HCK: variants seen among roughly 807,000 people sequenced by gnomAD.
HCK encodes HCK proto-oncogene, Src family tyrosine kinase.
HCK carries 40 observed loss-of-function variants against 70.4 expected under a neutral mutation model. The observed-to-expected ratio is 0.57, with a 90% CI of 0.44 to 0.74. The LOEUF (loss-of-function observed/expected upper bound fraction) is 0.74, where lower values mean the gene tolerates loss of function less well. Among genes scored for constraint, HCK ranks in the 30% least tolerant of loss-of-function variants. The pLI is 0.00. For missense variants in HCK, 568 were observed against 697.2 expected, an observed-to-expected ratio of 0.81 and a Z score of 2.09; for synonymous variants, 245 against 263.2, an observed-to-expected ratio of 0.93 and a Z score of 0.67.
intron 1 of HCK, among the ~76,000 whole-genome samples, chr20:32,068,252 G>T (rs2045488276): frequency 1.3e-5 from 2 of 151,110 alleles, no homozygotes; most frequent in Admixed American, 1.3e-4. Flanking sequence ...GAGTGGAGAT[G>T]GCACCACCGT....
intron 1 of HCK, among the ~76,000 whole-genome samples, chr20:32,064,681 C>G (rs2045430670): frequency 6.6e-6 from 1 of 152,216 alleles, no homozygotes; most frequent in Non-Finnish European, 1.5e-5. Flanking sequence ...AAAACCATCT[C>G]CAGCCCACTG....
intron 2 of HCK, among the ~76,000 whole-genome samples, chr20:32,072,776 T>A (rs535637888): frequency 3.9e-4 from 58 of 149,370 alleles, no homozygotes; most frequent in African/African-American, 1.4e-3. Context: ...AGGGGAGGGG[T>A]CAAGCAGCAT....
At chr20:32,071,923 C>T in intron 2 of HCK, 141 bp downstream of exon 2, 2 of 1,024,740 alleles carry the variant, frequency 2.0e-6, no homozygotes, top group Non-Finnish European at 2.8e-6. Context: ...AGTGTCCTGA[C>T]TCGACTCTCC....
intron 1 of HCK, chr20:32,069,894 G>A (rs1272627893): frequency 5.8e-6 from 3 of 520,600 alleles, no homozygotes; most frequent in Non-Finnish European, 8.9e-6. Context: ...AACTGCTTTA[G>A]AAGAAAATGG....
At chr20:32,087,215 C>G (rs781359812) in intron 9 of HCK, among the ~76,000 whole-genome samples, 1 of 151,944 alleles carries the variant, frequency 6.6e-6, no homozygotes. Flanking sequence ...AGCAGTTCTG[C>G]CCCCACCCCC....
chr20:32,053,641 A>C (rs1210324308), intron 1 of HCK, among the ~76,000 whole-genome samples: 1 of 150,446 alleles, frequency 6.6e-6, no homozygotes, highest in Non-Finnish European at 1.5e-5. Flanking sequence ...CTGTCTCAAA[A>C]AAAAAAAAAA....
chr20:32,065,159 A>T (rs2045437655), intron 1 of HCK, among the ~76,000 whole-genome samples: 1 of 152,242 alleles, frequency 6.6e-6, no homozygotes, highest in African/African-American at 2.4e-5. Context: ...CAGAACTGCT[A>T]TCCAAACTCA....
At chr20:32,082,574 A>AGAGATTGCAGTGAGCC (rs2045722922) in intron 6 of HCK, among the ~76,000 whole-genome samples, 2 of 152,092 alleles carry the variant, frequency 1.3e-5, no homozygotes, top group Non-Finnish European at 2.9e-5. Flanking sequence ...CCTGGGAGGC[A>AGAGATTGCAGTGAGCC]GAGATTGCAG....
intron 10 of HCK, among the ~76,000 whole-genome samples, chr20:32,092,379 C>A (rs2122609322): frequency 6.6e-6 from 1 of 152,264 alleles, no homozygotes; most frequent in Admixed American, 6.5e-5. Context: ...GTTTGTAAAC[C>A]AAAAGTGCTG....
chr20:32,076,828 G>C (rs1324883230), intron 5 of HCK, among the ~76,000 whole-genome samples: 1 of 152,182 alleles, frequency 6.6e-6, no homozygotes, highest in Non-Finnish European at 1.5e-5. Context: ...GCTCACACCT[G>C]TAATCCCAGC....
At chr20:32,087,150 C>A (rs2045800042) in intron 9 of HCK, among the ~76,000 whole-genome samples, 1 of 152,196 alleles carries the variant, frequency 6.6e-6, no homozygotes, top group Non-Finnish European at 1.5e-5. Flanking sequence ...CACTCTCCCG[C>A]ATCAGCCACC....
chr20:32,088,863 C>G (rs920625110), intron 10 of HCK, among the ~76,000 whole-genome samples: 16 of 152,064 alleles, frequency 1.1e-4, no homozygotes, highest in African/African-American at 3.9e-4. Context: ...TTTTTGTTAT[C>G]TATTTTGGTA....
intron 11 of HCK, among the ~76,000 whole-genome samples, chr20:32,098,136 C>T (rs546067777): frequency 2.0e-5 from 3 of 151,006 alleles, no homozygotes; most frequent in African/African-American, 7.3e-5. Context: ...CAACCTCCAT[C>T]CCCTGGGTTC....
chr20:32,100,397 A>G (rs2046017764), intron 12 of HCK, among the ~76,000 whole-genome samples: 2 of 152,168 alleles, frequency 1.3e-5, no homozygotes, highest in Non-Finnish European at 1.5e-5. Flanking sequence ...GGCATTCGTG[A>G]CTGGCATACG....
At position 32,066,435 on chromosome 20, in the gene HCK, C is replaced by T. The variant is rs568011551; in HGVS notation, c.63-5227C>T. Among the ~76,000 whole-genome samples, 3 of 150,372 alleles carry T rather than the reference C, an allele frequency of 2.0e-5. No homozygotes were observed. In the South Asian group the frequency reaches 6.4e-4, roughly 32 times the overall value. On this transcript the variant is annotated intron_variant, in intron 1 of 12. Coordinates refer to ENST00000375852, the MANE Select transcript of HCK (RefSeq NM_002110.5). ...CAAGCGATTCTCCTACCTCAGCCTC[C>T]CAAGTAGCTGGGATTACAGGTGTGC...
At chr20:32,067,507 A>T (rs2122508134) in intron 1 of HCK, among the ~76,000 whole-genome samples, 1 of 146,880 alleles carries the variant, frequency 6.8e-6, no homozygotes, top group Non-Finnish European at 1.5e-5. Flanking sequence ...TCGGTCATAG[A>T]GCAGGAATGT....
chr20:32,092,911 A>T (rs2045882948), intron 10 of HCK, among the ~76,000 whole-genome samples: 1 of 152,034 alleles, frequency 6.6e-6, no homozygotes, highest in East Asian at 1.9e-4. Flanking sequence ...AATCCAAAAA[A>T]GCTCTCTACA....
intron 8 of HCK, among the ~76,000 whole-genome samples, chr20:32,085,134 G>A (rs573086986): frequency 2.0e-5 from 3 of 152,308 alleles, no homozygotes; most frequent in East Asian, 1.9e-4. Context: ...AAATGGGAGC[G>A]AAGACAACTT....
intron 1 of HCK, among the ~76,000 whole-genome samples, chr20:32,060,073 T>G (rs1443302410): frequency 6.6e-6 from 1 of 152,104 alleles, no homozygotes; most frequent in Non-Finnish European, 1.5e-5. Flanking sequence ...GCCCTGGTGG[T>G]GAACTGGCCA....
Sources: gnomAD v4.1 joint callset for allele counts (sites outside exome capture counted in the v4.1 genomes callset) on GRCh38, gnomAD v4.1.1 for gene constraint, MANE v1.5 for transcripts, NCBI Gene and HGNC (gene_info 2026-07-23, HGNC 2026-07-21) for gene names.